BFSP1: variants seen among roughly 807,000 people sequenced by gnomAD.
BFSP1 encodes the protein filensin.
A neutral mutation model predicts 43.9 loss-of-function variants in BFSP1; 38 were observed. The ratio of observed to expected loss-of-function variants is 0.87; its 90% CI spans 0.67 to 1.14. The LOEUF (loss-of-function observed/expected upper bound fraction) is 1.14, where lower values mean the gene tolerates loss of function less well. Ranked by LOEUF, BFSP1 falls within the 50% of genes most tolerant of loss-of-function variation. BFSP1 has a pLI of 0.00. For synonymous variants in BFSP1, 352 were observed against 354.8 expected, an observed-to-expected ratio of 0.99 and a Z score of 0.09; for missense variants, 850 against 875.1, an observed-to-expected ratio of 0.97 and a Z score of 0.36.
chr20:17,526,919 T>G (rs1277054351), intron 1 of BFSP1, among the ~76,000 whole-genome samples: 1 of 152,212 alleles, frequency 6.6e-6, no homozygotes, highest in Non-Finnish European at 1.5e-5. Context: ...TCCTTTATAG[T>G]TGAAAGCAAT....
chr20:17,568,418 G>T (rs186724439), intron 1 of BFSP1, among the ~76,000 whole-genome samples: 1 of 151,252 alleles, frequency 6.6e-6, no homozygotes, highest in Non-Finnish European at 1.5e-5. Flanking sequence ...CAGGGTCCTA[G>T]GCAGGCAGAA....
chr20:17,539,057 T>C (rs1341772238), intron 1 of BFSP1, among the ~76,000 whole-genome samples: 2 of 150,528 alleles, frequency 1.3e-5, no homozygotes, highest in Non-Finnish European at 3.0e-5. Flanking sequence ...AGTTAGGAGA[T>C]AGATCCCAAG....
In BFSP1 at chr20:17,494,056, C is replaced by T; in HGVS notation, c.*18G>A. On this transcript the variant is annotated 3_prime_UTR_variant, in exon 8 of 8. Transcript: ENST00000377873. ...ACAGTGGCCCCAAATACATTTTATCCCATCAAGCCTGGGCATTTTAAGAGC... is the reference window on the plus strand; with the variant it reads ...ACAGTGGCCCCAAATACATTTTATCTCATCAAGCCTGGGCATTTTAAGAGC... 6.3e-7 allele frequency: 1 copy of T among 1,584,816 alleles called. No individual in the cohort carries two copies. Among genetic ancestry groups the T allele is most frequent in the Non-Finnish European group, 8.6e-7 (1 of 1,163,008 alleles).
intron 5 of BFSP1, among the ~76,000 whole-genome samples, chr20:17,508,302 G>T (rs1458109823): frequency 6.6e-6 from 1 of 152,182 alleles, no homozygotes; most frequent in East Asian, 1.9e-4. Flanking sequence ...GGACAGTTTG[G>T]GGCTTTTCTG....
At chr20:17,543,428 C>T (rs2034751932) in intron 1 of BFSP1, among the ~76,000 whole-genome samples, 3 of 152,164 alleles carry the variant, frequency 2.0e-5, no homozygotes, top group Admixed American at 2.0e-4. Flanking sequence ...AAATGGTGAC[C>T]TTTATTTATC....
rs112530406 is a variant in BFSP1, at chr20:17,541,117, G to C, written c.3-16209C>G. The C allele has an allele frequency of 6.9e-3, 2,061 of 298,206 alleles. 13 individuals carry two copies. Among genetic ancestry groups the C allele is most frequent in the Non-Finnish European group, 8.7e-3 (1,752 of 201,964 alleles). The allele number at this position is 298,206 out of a possible 1,614,324, so 18.5% of individuals were successfully genotyped here. A position where few individuals can be genotyped will look rare whatever the true frequency, so the allele number is the denominator to read the frequency against. On this transcript the variant is annotated intron_variant, in intron 1 of 7. Coordinates refer to the BFSP1 transcript ENST00000377868. ...AGGCGGGAGGATCACTGGAGACCGG[G>C]AGTTCAAGGCTGCAGTGAGCAATGA...
At chr20:17,532,440 G>A (rs2034563124), upstream of BFSP1, among the ~76,000 whole-genome samples, 1 of 150,740 alleles carries the variant, frequency 6.6e-6, no homozygotes. Flanking sequence ...AAAAAAGATT[G>A]CTTTTTTCTT....
At chr20:17,544,619 A>G (rs1205115306) in intron 1 of BFSP1, among the ~76,000 whole-genome samples, 1 of 152,248 alleles carries the variant, frequency 6.6e-6, no homozygotes, top group African/African-American at 2.4e-5. Context: ...TAAAAAAATC[A>G]GTATGAGAGT....
At chr20:17,553,838 C>A (rs867598331) in intron 1 of BFSP1, among the ~76,000 whole-genome samples, 1 of 84,690 alleles carries the variant, frequency 1.2e-5, no homozygotes, top group African/African-American at 8.0e-5. Context: ...TATATATATA[C>A]ACATATATAT....
chr20:17,564,885 G>T (rs1054735528), intron 1 of BFSP1, among the ~76,000 whole-genome samples: 3 of 151,732 alleles, frequency 2.0e-5, no homozygotes, highest in African/African-American at 7.3e-5. Context: ...CACCATGTCC[G>T]GCAAAATGCA....
In BFSP1 at chr20:17,498,972, G is replaced by A. The variant is rs11537702; in HGVS notation, c.804C>T (p.Asn268=). 0.071 allele frequency: 114,450 copies of A among 1,614,044 alleles called. 4,766 individuals carry two copies. The highest frequency in any genetic ancestry group is 0.083 in the Non-Finnish European group (98,030 of 1,179,984). The change falls in exon 6 of 8, where the codon AAC becomes AAT. Residue 268 remains asparagine, a synonymous_variant. Coordinates refer to ENST00000377873, the MANE Select transcript of BFSP1 (RefSeq NM_001195.5). ...ECYDDEIQLY[N]EQIETLRKEI... ...CCTTGCGCAGTGTCTCAATCTGCTCGTTATAAAGCTGAATCTCATCGTCAT... is the reference window on the plus strand; with the variant it reads ...CCTTGCGCAGTGTCTCAATCTGCTCATTATAAAGCTGAATCTCATCGTCAT...
intron 1 of BFSP1, among the ~76,000 whole-genome samples, chr20:17,536,649 T>C (rs926449739): frequency 6.6e-6 from 1 of 152,388 alleles, no homozygotes; most frequent in Non-Finnish European, 1.5e-5. Context: ...TTAGATGTTT[T>C]GCCTTTTAGT....
intron 1 of BFSP1, among the ~76,000 whole-genome samples, chr20:17,550,687 G>T (rs978997353): frequency 5.3e-5 from 8 of 152,092 alleles, no homozygotes; most frequent in Non-Finnish European, 1.0e-4. Flanking sequence ...TGGCCAGGCT[G>T]GTCTTAAACT....
chr20:17,567,298 T>C (rs1472562775), intron 1 of BFSP1, among the ~76,000 whole-genome samples: 7 of 152,198 alleles, frequency 4.6e-5, no homozygotes, highest in African/African-American at 1.7e-4. Flanking sequence ...TCAATACTTA[T>C]TAAACACCTA....
chr20:17,500,965 C>T (rs1376173169), intron 5 of BFSP1, among the ~76,000 whole-genome samples: 1 of 152,154 alleles, frequency 6.6e-6, no homozygotes, highest in Non-Finnish European at 1.5e-5. Flanking sequence ...GCACTGGAAC[C>T]ACCTGAGGGT....
chr20:17,521,779 C>T (rs576386387), intron 2 of BFSP1, among the ~76,000 whole-genome samples: 7 of 152,206 alleles, frequency 4.6e-5, no homozygotes, highest in African/African-American at 1.7e-4. Context: ...GGCTAGTGAG[C>T]CAGAGAAGGA....
chr20:17,504,762 T>C (rs2033888774), intron 5 of BFSP1, among the ~76,000 whole-genome samples: 1 of 152,190 alleles, frequency 6.6e-6, no homozygotes. Flanking sequence ...CCTGGACCGT[T>C]AGATTGCCTG....
intron 1 of BFSP1, among the ~76,000 whole-genome samples, chr20:17,553,818 CACACACATAT>C (rs1346602960): frequency 2.6e-4 from 25 of 95,144 alleles, no homozygotes; most frequent in African/African-American, 1.4e-3. Flanking sequence ...CACACACACA[CACACACATAT>C]ATATATATAC....
At chr20:17,514,079 C>T (rs983964485) in intron 3 of BFSP1, among the ~76,000 whole-genome samples, 5 of 152,188 alleles carry the variant, frequency 3.3e-5, no homozygotes, top group African/African-American at 1.2e-4. Flanking sequence ...TGGGAGGAGG[C>T]CAGAGCCCCT....
Sources: allele counts gnomAD v4.1 joint callset (sites outside exome capture counted in the v4.1 genomes callset), GRCh38; gene constraint gnomAD v4.1.1; transcripts MANE v1.5; gene names NCBI Gene and HGNC (gene_info 2026-07-23, HGNC 2026-07-21).